Variants in PALS2 observed in about 807,000 individuals in gnomAD.
The protein encoded by PALS2 is protein PALS2.
PALS2 carries 27 observed loss-of-function variants against 61.6 expected under a neutral mutation model. That is an observed-to-expected ratio of 0.44 (90% confidence interval 0.32 to 0.60). The LOEUF (loss-of-function observed/expected upper bound fraction) is 0.60. PALS2 is among the 20% of genes least tolerant of loss of function. PALS2 has a pLI of 0.05. For synonymous variants in PALS2, 236 were observed against 218.6 expected, an observed-to-expected ratio of 1.08 and a Z score of -0.70; for missense variants, 554 against 639.4, an observed-to-expected ratio of 0.87 and a Z score of 1.44.
intron 1 of PALS2, among the ~76,000 whole-genome samples, chr7:24,617,163 C>G (rs758199218): frequency 7.9e-5 from 12 of 152,052 alleles, no homozygotes; most frequent in Non-Finnish European, 1.6e-4. Flanking sequence ...CTGGTCTAGT[C>G]CTTTGTTGAA....
At chr7:24,599,161 A>G (rs748889213) in intron 1 of PALS2, among the ~76,000 whole-genome samples, 12 of 152,154 alleles carry the variant, frequency 7.9e-5, no homozygotes, top group Non-Finnish European at 1.3e-4. Context: ...CATAGATGGT[A>G]TAGTCTGTTA....
intron 1 of PALS2, among the ~76,000 whole-genome samples, chr7:24,621,337 G>A (rs1784506900): frequency 6.6e-6 from 1 of 152,026 alleles, no homozygotes; most frequent in African/African-American, 2.4e-5. Flanking sequence ...TAGAAGACAG[G>A]AAATAGGTCT....
At chr7:24,593,170 A>G (rs1188946158) in intron 1 of PALS2, among the ~76,000 whole-genome samples, 1 of 152,116 alleles carries the variant, frequency 6.6e-6, no homozygotes, top group Non-Finnish European at 1.5e-5. Context: ...TTCCATCTCA[A>G]GAAACCACTT....
chr7:24,637,315 T>C lies in PALS2; in HGVS notation c.118-4401T>C, dbSNP rs868145003. Among the ~76,000 whole-genome samples, 962 of 142,768 alleles carry C rather than the reference T, an allele frequency of 6.7e-3. 8 individuals are homozygous for C. Among genetic ancestry groups the C allele is most frequent in the Middle Eastern group, 0.032 (9 of 284 alleles). The allele number at this position is 142,768 out of a possible 152,430, so 93.7% of individuals were successfully genotyped here. On this transcript the variant is annotated intron_variant, in intron 2 of 11. Coordinates refer to ENST00000222644, the MANE Select transcript of PALS2 (RefSeq NM_001303037.2). ...ACTCATCTTTTTTTTTTTTTTTTTT[T>C]CAGAGCAAAGCTCATCCTTTTTGAT... is the stretch of plus-strand genomic sequence containing the variant.
intron 2 of PALS2, among the ~76,000 whole-genome samples, chr7:24,627,073 C>G (rs911376693): frequency 2.6e-5 from 4 of 152,174 alleles, no homozygotes; most frequent in African/African-American, 9.6e-5. Context: ...ATACATTCCT[C>G]TCAGCGCCAC....
chr7:24,690,267 A>G lies in PALS2; in HGVS notation c.*2653A>G, dbSNP rs1409930449. 2 of 152,234 alleles carry G rather than the reference A, an allele frequency of 1.3e-5. No individual in the cohort carries two copies. The highest frequency in any genetic ancestry group is 2.9e-5 in the Non-Finnish European group (2 of 68,040). The allele number at this position is 152,234 out of a possible 1,614,324, so 9.4% of individuals were successfully genotyped here. A position where few individuals can be genotyped will look rare whatever the true frequency, so the allele number is the denominator to read the frequency against. On this transcript the variant is annotated 3_prime_UTR_variant, in exon 12 of 12. Transcript: ENST00000222644. ...AATGAGCAGTGCTCTGCGGGGGCAA[A>G]CAGCCCCAGAGGTCCCAGGGTTCTT...
chr7:24,687,282 T>C lies in PALS2; in HGVS notation c.1447-156T>C, dbSNP rs1033909196. Reference sequence around the variant, plus strand: ...AGAATAAGACATGAACAGATGGCAGTGTTGTCTTTAACACTATATGGATTA... The same window carrying C: ...AGAATAAGACATGAACAGATGGCAGCGTTGTCTTTAACACTATATGGATTA... On this transcript the variant is annotated intron_variant, in intron 11 of 11. Transcript: ENST00000222644. The surrounding 1 kb of genome is among the most constrained non-coding windows in gnomAD (Gnocchi z 4.5). 2.0e-5 allele frequency among the ~76,000 whole-genome samples: 3 copies of C among 152,230 alleles called. No individual in the cohort carries two copies. The highest frequency in any genetic ancestry group is 2.0e-4 in the Admixed American group (3 of 15,286).
At chr7:24,604,223 A>AG (rs1323403109) in intron 1 of PALS2, among the ~76,000 whole-genome samples, 4 of 125,528 alleles carry the variant, frequency 3.2e-5, no homozygotes, top group Admixed American at 7.3e-5. Flanking sequence ...AGAAAAGAAA[A>AG]AAAAAAAAAA....
intron 1 of PALS2, among the ~76,000 whole-genome samples, chr7:24,603,362 TG>T (rs1156417200): frequency 4.6e-5 from 7 of 152,162 alleles, no homozygotes; most frequent in Non-Finnish European, 8.8e-5. Context: ...TGAAAAGTGG[TG>T]GATTTGGTTG....
At chr7:24,645,155 A>G (rs1489635178) in intron 3 of PALS2, among the ~76,000 whole-genome samples, 4 of 151,958 alleles carry the variant, frequency 2.6e-5, no homozygotes, top group Non-Finnish European at 5.9e-5. Flanking sequence ...ATTTGTCAAT[A>G]TTGGCTTTTG....
At chr7:24,631,894 G>C in intron 2 of PALS2, among the ~76,000 whole-genome samples, 1 of 152,170 alleles carries the variant, frequency 6.6e-6, no homozygotes, top group East Asian at 1.9e-4. Flanking sequence ...ACACTTAATA[G>C]ATCACCTTGT....
In PALS2 at chr7:24,619,036, T is replaced by G. The variant is rs150941907; in HGVS notation, c.-2-4630T>G. 2.8e-4 allele frequency among the ~76,000 whole-genome samples: 43 copies of G among 152,356 alleles called. No homozygotes were observed. The East Asian group carries it at 7.5e-3, about 27-fold the overall frequency. On this transcript the variant is annotated intron_variant, in intron 1 of 11. Coordinates refer to ENST00000222644, the MANE Select transcript of PALS2 (RefSeq NM_001303037.2). ...TGAAAAAGCCAGCTATTTACTGACTTACTGATTGAATCTATCTCTTTTGAT... is the reference window on the plus strand; with the variant it reads ...TGAAAAAGCCAGCTATTTACTGACTGACTGATTGAATCTATCTCTTTTGAT...
intron 1 of PALS2, among the ~76,000 whole-genome samples, chr7:24,622,539 T>C (rs1433076473): frequency 2.6e-5 from 4 of 151,990 alleles, no homozygotes; most frequent in African/African-American, 9.6e-5. Flanking sequence ...TCTTGTATAC[T>C]GAAACCTTGG....
intron 5 of PALS2, among the ~76,000 whole-genome samples, chr7:24,656,683 C>T (rs564285733): frequency 2.6e-5 from 4 of 151,966 alleles, no homozygotes; most frequent in East Asian, 3.9e-4. Flanking sequence ...CCACCACACC[C>T]GGCTAATATT....
intron 1 of PALS2, among the ~76,000 whole-genome samples, chr7:24,588,300 C>CTT: frequency 6.6e-6 from 1 of 152,222 alleles, no homozygotes; most frequent in East Asian, 1.9e-4. Flanking sequence ...TCATTGTGTT[C>CTT]TTATCTTAAG....
At chr7:24,584,424 A>T (rs1430481257) in intron 1 of PALS2, among the ~76,000 whole-genome samples, 2 of 150,544 alleles carry the variant, frequency 1.3e-5, no homozygotes, top group African/African-American at 4.9e-5. Context: ...GATGATGAGC[A>T]TTTTTTCATG....
intron 5 of PALS2, among the ~76,000 whole-genome samples, chr7:24,658,364 T>G (rs1786533540): frequency 1.3e-5 from 2 of 152,210 alleles, no homozygotes; most frequent in Admixed American, 1.3e-4. Flanking sequence ...AAACAATTAC[T>G]GTAATGTCCT....
intron 9 of PALS2, among the ~76,000 whole-genome samples, chr7:24,675,551 C>T (rs1431960759): frequency 8.7e-6 from 1 of 114,802 alleles, no homozygotes; most frequent in Non-Finnish European, 1.7e-5. Flanking sequence ...CTCCCCCCAC[C>T]CCACAACAGT....
intron 6 of PALS2, among the ~76,000 whole-genome samples, chr7:24,664,254 T>C (rs1786900638): frequency 6.6e-6 from 1 of 152,196 alleles, no homozygotes; most frequent in African/African-American, 2.4e-5. Context: ...TCTGTGTATA[T>C]GGAAAGAGAT....
Sources: allele counts gnomAD v4.1 joint callset (sites outside exome capture counted in the v4.1 genomes callset), GRCh38; gene constraint gnomAD v4.1.1; non-coding constraint Gnocchi (gnomAD v3.1); transcripts MANE v1.5; gene names NCBI Gene and HGNC (gene_info 2026-07-23, HGNC 2026-07-21).